The following SEMA6D variants were observed in gnomAD, a reference collection of about 807,000 sequenced individuals.
SEMA6D encodes the protein semaphorin-6D.
Under a neutral mutation model 106.6 loss-of-function variants are expected in SEMA6D, and 35 were observed. The observed-to-expected ratio is 0.33, with a 90% CI of 0.25 to 0.44. The LOEUF is 0.44. Among genes scored for constraint, SEMA6D ranks in the 20% least tolerant of loss-of-function variants. SEMA6D has a pLI of 1.00. For synonymous variants in SEMA6D, 499 were observed against 487.7 expected, an observed-to-expected ratio of 1.02 and a Z score of -0.31; for missense variants, 1,185 against 1,345.9, an observed-to-expected ratio of 0.88 and a Z score of 1.87.
At chr15:47,288,673 G>A (rs759142388) in intron 1 of SEMA6D, among the ~76,000 whole-genome samples, 1 of 152,218 alleles carries the variant, frequency 6.6e-6, no homozygotes, top group East Asian at 1.9e-4. Context: ...AATGAGAGGA[G>A]TAGTGGGCAA....
intron 1 of SEMA6D, among the ~76,000 whole-genome samples, chr15:47,273,128 G>T (rs1182763369): frequency 1.3e-5 from 2 of 152,002 alleles, no homozygotes; most frequent in Admixed American, 6.6e-5. Context: ...TACACCATTT[G>T]TTGTGGATCT....
intron 3 of SEMA6D, among the ~76,000 whole-genome samples, chr15:47,590,700 A>G (rs995025961): frequency 1.3e-5 from 2 of 152,138 alleles, no homozygotes; most frequent in Non-Finnish European, 2.9e-5. Context: ...ATGTGATGAC[A>G]GAGGCAGAGC....
intron 2 of SEMA6D, among the ~76,000 whole-genome samples, chr15:47,451,131 G>C (rs1009871136): frequency 2.6e-5 from 4 of 152,066 alleles, no homozygotes; most frequent in African/African-American, 9.7e-5. Context: ...CTTTTGCAGG[G>C]TATGAGATAT....
chr15:47,404,774 C>A (rs765057205), intron 1 of SEMA6D, among the ~76,000 whole-genome samples: 2 of 152,130 alleles, frequency 1.3e-5, no homozygotes, highest in Non-Finnish European at 2.9e-5. Flanking sequence ...CATTCATTTT[C>A]TTTCAATCAA....
At chr15:47,310,843 G>A (rs1204154851) in intron 1 of SEMA6D, among the ~76,000 whole-genome samples, 2 of 152,148 alleles carry the variant, frequency 1.3e-5, no homozygotes, top group East Asian at 1.9e-4. Context: ...AAGTAGACAT[G>A]TAAGTTCTAG....
At chr15:47,403,260 A>G (rs1485173966) in intron 1 of SEMA6D, among the ~76,000 whole-genome samples, 1 of 152,104 alleles carries the variant, frequency 6.6e-6, no homozygotes, top group Non-Finnish European at 1.5e-5. Context: ...TCTTTTTTGC[A>G]TAATCTCTGT....
At chr15:47,705,305 C>G (rs1567001520) in intron 4 of SEMA6D, among the ~76,000 whole-genome samples, 1 of 152,182 alleles carries the variant, frequency 6.6e-6, no homozygotes. Context: ...TTGGTAATAT[C>G]TAACTTTAAT....
In SEMA6D at chr15:47,650,230, C is replaced by T. The variant is rs1682163417; in HGVS notation, c.-55+49334C>T. Among the ~76,000 whole-genome samples the T allele has an allele frequency of 2.0e-5, 3 of 152,164 alleles. 1 individual carries two copies. The South Asian group carries it at 6.2e-4, about 32-fold the overall frequency. On this transcript the variant is annotated intron_variant, in intron 4 of 19. Transcript: ENST00000558014. ...ACCCATGTTTGTAGTTCTCTAAAAA[C>T]CTAGTCCATAAAAGCTGGACTGGAC...
chr15:47,734,586 G>A (rs552058054), intron 1 of SEMA6D, among the ~76,000 whole-genome samples: 3 of 152,096 alleles, frequency 2.0e-5, no homozygotes, highest in Non-Finnish European at 4.4e-5. Flanking sequence ...CAGAATTTGC[G>A]TCTTGAGTTT....
chr15:47,416,186 T>A (rs946114520), intron 2 of SEMA6D, among the ~76,000 whole-genome samples: 3 of 152,132 alleles, frequency 2.0e-5, no homozygotes, highest in Non-Finnish European at 4.4e-5. Context: ...ATAACGATAT[T>A]CTTCCCCAGT....
At chr15:47,411,198 C>T (rs865881544) in intron 1 of SEMA6D, among the ~76,000 whole-genome samples, 2 of 152,086 alleles carry the variant, frequency 1.3e-5, no homozygotes, top group South Asian at 2.1e-4. Flanking sequence ...TGGGTTCAAG[C>T]GATTCTCTTG....
chr15:47,590,971 T>A (rs1017262703), intron 3 of SEMA6D, among the ~76,000 whole-genome samples: 3 of 152,220 alleles, frequency 2.0e-5, no homozygotes, highest in Admixed American at 6.5e-5. Flanking sequence ...GATCTTGACA[T>A]GGGCTGGAAT....
chr15:47,584,150 T>C (rs2076298109), intron 3 of SEMA6D, among the ~76,000 whole-genome samples: 1 of 152,144 alleles, frequency 6.6e-6, no homozygotes, highest in Non-Finnish European at 1.5e-5. Context: ...ATGTGCTGAA[T>C]AAATATTTGC....
intron 4 of SEMA6D, among the ~76,000 whole-genome samples, chr15:47,709,846 A>T (rs2078980873): frequency 6.6e-6 from 1 of 151,774 alleles, no homozygotes; most frequent in Non-Finnish European, 1.5e-5. Context: ...TTATTTGTTT[A>T]TTCATATTTT....
intron 3 of SEMA6D, among the ~76,000 whole-genome samples, chr15:47,481,182 G>A (rs376958038): frequency 7.9e-5 from 12 of 152,072 alleles, no homozygotes; most frequent in African/African-American, 2.9e-4. Flanking sequence ...TGTTGGAGAG[G>A]GTGTCTCCAG....
At chr15:47,557,694 A>G (rs960722369) in intron 3 of SEMA6D, among the ~76,000 whole-genome samples, 1 of 152,186 alleles carries the variant, frequency 6.6e-6, no homozygotes, top group Non-Finnish European at 1.5e-5. Flanking sequence ...GGGAAATCAC[A>G]TCAGGTTTAC....
chr15:47,616,719 T>G (rs2077014726), intron 4 of SEMA6D, among the ~76,000 whole-genome samples: 1 of 152,142 alleles, frequency 6.6e-6, no homozygotes, highest in Non-Finnish European at 1.5e-5. Flanking sequence ...CTCTGAGTTG[T>G]CTATGATGGA....
intron 2 of SEMA6D, among the ~76,000 whole-genome samples, chr15:47,421,852 G>T (rs551491817): frequency 6.8e-4 from 104 of 152,024 alleles, no homozygotes; most frequent in African/African-American, 2.4e-3. Flanking sequence ...TCCATAGTGT[G>T]TAGGACTACA....
intron 3 of SEMA6D, among the ~76,000 whole-genome samples, chr15:47,527,270 A>G (rs1280223763): frequency 1.3e-5 from 2 of 152,212 alleles, no homozygotes; most frequent in Non-Finnish European, 2.9e-5. Flanking sequence ...ACATTTATTA[A>G]GAAGAAATTT....
Sources: gnomAD v4.1 joint callset for allele counts (sites outside exome capture counted in the v4.1 genomes callset) on GRCh38, gnomAD v4.1.1 for gene constraint, MANE v1.5 for transcripts, NCBI Gene and HGNC (gene_info 2026-07-23, HGNC 2026-07-21) for gene names.